Variants in BLTP1 observed in about 807,000 individuals in gnomAD.
The protein encoded by BLTP1 is bridge-like lipid transfer protein family member 1.
the BLTP1 span, chr4:122,175,057 T>G: frequency 5.3e-6 from 5 of 947,290 alleles, no homozygotes; most frequent in Non-Finnish European, 6.3e-6. Flanking sequence ...AACTCTTAAT[T>G]TTATTCAAAG....
At chr4:122,359,489 C>T in the BLTP1 span, 1 of 1,532,754 alleles carries the variant, frequency 6.5e-7, no homozygotes, top group Non-Finnish European at 8.8e-7. Flanking sequence ...GAAATGAAAC[C>T]AATTCTGTTC....
the BLTP1 span, among the ~76,000 whole-genome samples, chr4:122,311,834 A>G: frequency 6.6e-6 from 1 of 152,274 alleles, no homozygotes; most frequent in Non-Finnish European, 1.5e-5. Context: ...AAAAATTACC[A>G]TCCTGCATTC....
the BLTP1 span, chr4:122,299,684 G>A: frequency 2.5e-6 from 1 of 401,660 alleles, no homozygotes; most frequent in East Asian, 1.6e-4. Flanking sequence ...ACAGGGATGG[G>A]AAGAGGTAGT....
At chr4:122,193,069 C>T in the BLTP1 span, among the ~76,000 whole-genome samples, 1 of 151,982 alleles carries the variant, frequency 6.6e-6, no homozygotes, top group Admixed American at 6.6e-5. Context: ...GTGGTCTTTC[C>T]CTTGTGTACC....
the BLTP1 span, chr4:122,350,508 G>GTCCAC: frequency 2.2e-6 from 1 of 449,564 alleles, no homozygotes; most frequent in Non-Finnish European, 2.9e-6. Context: ...ATCTAGTGGT[G>GTCCAC]GACAGAATCA....
chr4:122,254,689 G>T, the BLTP1 span: 1 of 1,228,978 alleles, frequency 8.1e-7, no homozygotes, highest in Non-Finnish European at 1.0e-6. Flanking sequence ...TGCTCAAAAA[G>T]AAAAGAAATT....
At chr4:122,220,602 TAAG>T in the BLTP1 span, 3 of 728,914 alleles carry the variant, frequency 4.1e-6, no homozygotes, top group Admixed American at 6.8e-5. Context: ...TTAACTGTAT[TAAG>T]AAGTTTTGTA....
At chr4:122,240,430 A>G in the BLTP1 span, 1 of 1,258,362 alleles carries the variant, frequency 7.9e-7, no homozygotes, top group Non-Finnish European at 1.1e-6. Flanking sequence ...TTTCATAATT[A>G]CTCTCATTCT....
the BLTP1 span, chr4:122,184,766 C>A: frequency 2.8e-5 from 28 of 984,974 alleles, no homozygotes; most frequent in Non-Finnish European, 3.4e-5. Flanking sequence ...CCTTTCTAAG[C>A]CACACATGAG....
the BLTP1 span, chr4:122,315,830 T>C: frequency 2.8e-6 from 2 of 724,574 alleles, no homozygotes; most frequent in Non-Finnish European, 4.6e-6. Context: ...TGTCTACATT[T>C]CATAATACTG....
chr4:122,165,938 A>G, the BLTP1 span, among the ~76,000 whole-genome samples: 1 of 150,608 alleles, frequency 6.6e-6, no homozygotes, highest in Admixed American at 6.6e-5. Context: ...TTTTCTTGTA[A>G]ATTTGTTTGA....
the BLTP1 span, among the ~76,000 whole-genome samples, chr4:122,256,279 T>C: frequency 6.6e-6 from 1 of 152,284 alleles, no homozygotes; most frequent in African/African-American, 2.4e-5. Flanking sequence ...GTGTAGTACT[T>C]TTTACTCCCT....
the BLTP1 span, chr4:122,279,740 G>C: frequency 6.3e-7 from 1 of 1,581,264 alleles, no homozygotes; most frequent in Non-Finnish European, 8.6e-7. Context: ...TTGGCTGTTG[G>C]CTGTATTTTA....
the BLTP1 span, among the ~76,000 whole-genome samples, chr4:122,323,657 T>C: frequency 6.6e-6 from 1 of 152,066 alleles, no homozygotes; most frequent in Non-Finnish European, 1.5e-5. Flanking sequence ...TAGTCTCTGA[T>C]AGTAATAATG....
the BLTP1 span, among the ~76,000 whole-genome samples, chr4:122,360,871 A>G: frequency 6.6e-6 from 1 of 152,234 alleles, no homozygotes; most frequent in African/African-American, 2.4e-5. Flanking sequence ...GAGCATAAAA[A>G]TAGTTACCAT....
At chr4:122,286,330 A>G in the BLTP1 span, 2 of 541,980 alleles carry the variant, frequency 3.7e-6, no homozygotes, top group Non-Finnish European at 4.7e-6. Flanking sequence ...ATACTTGCTT[A>G]ATAATACTGG....
the BLTP1 span, chr4:122,302,242 A>G: frequency 1.0e-6 from 1 of 981,452 alleles, no homozygotes; most frequent in Non-Finnish European, 1.2e-6. Flanking sequence ...ATTGCTACTA[A>G]CACGAGAAAT....
chr4:122,321,555 T>A, the BLTP1 span, among the ~76,000 whole-genome samples: 23 of 151,776 alleles, frequency 1.5e-4, no homozygotes, highest in Non-Finnish European at 2.2e-4. Flanking sequence ...ATACACACAC[T>A]CACACACATG....
At chr4:122,300,099 C>T in the BLTP1 span, among the ~76,000 whole-genome samples, 1 of 152,116 alleles carries the variant, frequency 6.6e-6, no homozygotes, top group Non-Finnish European at 1.5e-5. Flanking sequence ...TCTGCCTCCT[C>T]CTGGGTTCAA....
Sources: gnomAD v4.1 joint callset for allele counts (sites outside exome capture counted in the v4.1 genomes callset) on GRCh38, gnomAD v4.1.1 for gene constraint, MANE v1.5 for transcripts, NCBI Gene and HGNC (gene_info 2026-07-23, HGNC 2026-07-21) for gene names.